The following CHST9 variants were observed in gnomAD, a reference collection of about 807,000 sequenced individuals.
CHST9 encodes the protein GalNAc-4-sulfotransferase 2.
Under a neutral mutation model 44.4 loss-of-function variants are expected in CHST9, and 41 were observed. The observed-to-expected ratio is 0.92, with a 90% confidence interval of 0.72 to 1.20. The LOEUF is 1.20. Among genes scored for constraint, CHST9 ranks in the 50% most tolerant of loss-of-function variants. The pLI is 0.00. For synonymous variants in CHST9, 171 were observed against 178.4 expected (o/e 0.96, Z 0.33); for missense variants, 504 against 516.5 (o/e 0.98, Z 0.23).
chr18:27,088,575 A>C (rs1021264567), intron 2 of CHST9, among the ~76,000 whole-genome samples: 1 of 151,732 alleles, frequency 6.6e-6, no homozygotes, highest in East Asian at 1.9e-4. Flanking sequence ...TTGTATTTTT[A>C]GTAGAGATGG....
At chr18:27,131,882 T>C (rs886690828) in intron 2 of CHST9, among the ~76,000 whole-genome samples, 1 of 152,216 alleles carries the variant, frequency 6.6e-6, no homozygotes, top group South Asian at 2.1e-4. Flanking sequence ...CTTCAACCAA[T>C]TGTAAGTTAA....
intron 2 of CHST9, among the ~76,000 whole-genome samples, chr18:27,082,051 T>C (rs939988907): frequency 1.3e-5 from 2 of 152,218 alleles, no homozygotes; most frequent in South Asian, 2.1e-4. Context: ...CCTAAGATAC[T>C]AGAAATGTAG....
chr18:27,006,623 A>G (rs1303656847), intron 4 of CHST9, among the ~76,000 whole-genome samples: 1 of 152,202 alleles, frequency 6.6e-6, no homozygotes, highest in Admixed American at 6.5e-5. Context: ...TCCCGTCTGC[A>G]GTTGCAGCTC....
intron 4 of CHST9, among the ~76,000 whole-genome samples, chr18:26,972,831 G>A (rs2056567606): frequency 6.6e-6 from 1 of 152,112 alleles, no homozygotes; most frequent in African/African-American, 2.4e-5. Context: ...TTCCTTTCAA[G>A]TGTGTGTTTT....
intron 2 of CHST9, among the ~76,000 whole-genome samples, chr18:27,122,927 T>A (rs551965760): frequency 1.3e-5 from 2 of 152,294 alleles, no homozygotes; most frequent in South Asian, 4.2e-4. Context: ...CTTGAACAAC[T>A]CCTATTATAA....
intron 1 of CHST9, among the ~76,000 whole-genome samples, chr18:27,161,963 A>G (rs1450983942): frequency 6.6e-6 from 1 of 150,896 alleles, no homozygotes; most frequent in Non-Finnish European, 1.5e-5. Context: ...TTTGCTTGGT[A>G]GATCTTCCTC....
chr18:26,919,822 T>C (rs1226454014), intron 5 of CHST9, among the ~76,000 whole-genome samples: 1 of 152,180 alleles, frequency 6.6e-6, no homozygotes, highest in African/African-American at 2.4e-5. Flanking sequence ...TAAATGAAAC[T>C]TGGCTGACTC....
At chr18:26,930,421 G>A (rs11083189) in intron 5 of CHST9, among the ~76,000 whole-genome samples, 4,356 of 152,314 alleles carry the variant, frequency 0.029, 127 homozygotes, top group South Asian at 0.077. Flanking sequence ...AGTGAATAGA[G>A]CACTAACAAA....
chr18:26,965,214 T>A (rs1302074277), intron 4 of CHST9, among the ~76,000 whole-genome samples: 2 of 152,142 alleles, frequency 1.3e-5, no homozygotes, highest in Non-Finnish European at 2.9e-5. Flanking sequence ...GGCTGGTGGG[T>A]CATGGCCCGA....
chr18:27,145,518 C>T (rs1567937043), intron 1 of CHST9, among the ~76,000 whole-genome samples: 2 of 152,128 alleles, frequency 1.3e-5, no homozygotes, highest in Non-Finnish European at 2.9e-5. Context: ...TTAACTCTGA[C>T]CTGGAAGGGG....
intron 4 of CHST9, among the ~76,000 whole-genome samples, chr18:26,985,425 G>A (rs1210159198): frequency 6.6e-6 from 1 of 152,188 alleles, no homozygotes. Flanking sequence ...AGCAGGAAAA[G>A]GAGGACAGTA....
intron 2 of CHST9, among the ~76,000 whole-genome samples, chr18:27,081,925 T>G (rs927324862): frequency 6.6e-6 from 1 of 152,178 alleles, no homozygotes; most frequent in Non-Finnish European, 1.5e-5. Flanking sequence ...GGCCTGCACT[T>G]AATTAAAAAT....
At chr18:27,146,242 G>A (rs534402815) in intron 1 of CHST9, among the ~76,000 whole-genome samples, 10 of 152,294 alleles carry the variant, frequency 6.6e-5, no homozygotes, top group African/African-American at 2.4e-4. Context: ...ATATCCTCCT[G>A]GGTGAGAAAG....
chr18:27,147,039 T>C (rs765253466), intron 1 of CHST9, among the ~76,000 whole-genome samples: 4 of 152,092 alleles, frequency 2.6e-5, no homozygotes, highest in Non-Finnish European at 5.9e-5. Flanking sequence ...AATTATGAGT[T>C]TCCCAGTTTA....
intron 4 of CHST9, among the ~76,000 whole-genome samples, chr18:26,976,389 T>C (rs1013897216): frequency 3.3e-5 from 5 of 152,112 alleles, no homozygotes; most frequent in Admixed American, 6.6e-5. Flanking sequence ...AGATCAAGCC[T>C]AGCAGACAAG....
intron 4 of CHST9, chr18:26,952,402 A>G (rs1052088517): frequency 3.1e-5 from 14 of 450,694 alleles, no homozygotes; most frequent in African/African-American, 2.0e-4. Context: ...GATTTTGTAC[A>G]TAGAGACTGC....
In CHST9 at chr18:27,046,196, G is replaced by A. The variant is rs202201633; in HGVS notation, c.160+2269C>T. On this transcript the variant is annotated intron_variant, in intron 3 of 5. Coordinates refer to ENST00000618847, the MANE Select transcript of CHST9 (RefSeq NM_031422.6). The stretch of plus-strand genomic sequence containing the variant: ...TAATCTCATTCTTTCCAATGCTAGA[G>A]ACGTTTCCTTGTTAGGAAGTTATTT... Among the ~76,000 whole-genome samples the A allele has an allele frequency of 2.6e-5, 4 of 151,974 alleles. No individual in the cohort carries two copies. In the East Asian group the frequency reaches 7.7e-4, roughly 29 times the overall value.
chr18:27,175,065 A>G (rs1161317819), intron 1 of CHST9, among the ~76,000 whole-genome samples: 2 of 152,102 alleles, frequency 1.3e-5, no homozygotes, highest in Admixed American at 1.3e-4. Flanking sequence ...AGTGCCCATC[A>G]GTATGATATA....
intron 2 of CHST9, among the ~76,000 whole-genome samples, chr18:27,119,311 T>C (rs891810910): frequency 3.9e-5 from 6 of 152,224 alleles, no homozygotes; most frequent in African/African-American, 1.2e-4. Context: ...AGCCACATTA[T>C]AGAAAAAGGT....
Sources: gnomAD v4.1 joint callset for allele counts (sites outside exome capture counted in the v4.1 genomes callset) on GRCh38, gnomAD v4.1.1 for gene constraint, MANE v1.5 for transcripts, NCBI Gene and HGNC (gene_info 2026-07-23, HGNC 2026-07-21) for gene names.